TMEM135: variants seen among roughly 807,000 people sequenced by gnomAD.
The protein encoded by TMEM135 is peroxisomal membrane protein 52.
Under a neutral mutation model 60.3 loss-of-function variants are expected in TMEM135, and 30 were observed. The observed-to-expected ratio is 0.50, with a 90% CI of 0.37 to 0.68. The LOEUF (loss-of-function observed/expected upper bound fraction) is 0.68, where lower values mean the gene tolerates loss of function less well. Ranked by LOEUF, TMEM135 falls within the 30% of genes least tolerant of loss-of-function variation. The pLI is 0.00. For missense variants in TMEM135, 468 were observed against 548.8 expected (o/e 0.85, Z 1.47); for synonymous variants, 190 against 186.7 (o/e 1.02, Z -0.14).
At chr11:87,276,347 G>A (rs1941965579) in intron 6 of TMEM135, among the ~76,000 whole-genome samples, 1 of 152,120 alleles carries the variant, frequency 6.6e-6, no homozygotes, top group Non-Finnish European at 1.5e-5. Context: ...GTTCTGTGAT[G>A]TCAAGTACTT....
chr11:87,098,558 A>G (rs2513209), intron 4 of TMEM135, among the ~76,000 whole-genome samples: 82,996 of 151,692 alleles, frequency 0.55, 23,498 homozygotes, highest in East Asian at 0.71. Context: ...AATAACTTGA[A>G]GAAATCATCT....
chr11:87,155,068 G>A (rs571909807), intron 4 of TMEM135, among the ~76,000 whole-genome samples: 3 of 152,248 alleles, frequency 2.0e-5, no homozygotes, highest in Admixed American at 6.5e-5. Flanking sequence ...GTGCGATCTT[G>A]GCTCACTGCA....
chr11:87,306,033 T>A, intron 9 of TMEM135, 28 bp downstream of exon 9: 1 of 1,380,506 alleles, frequency 7.2e-7, no homozygotes, highest in Non-Finnish European at 1.0e-6. Flanking sequence ...TGTACTTTAT[T>A]AACAGTAGGG....
At chr11:87,241,962 G>A (rs936356134) in intron 6 of TMEM135, among the ~76,000 whole-genome samples, 4 of 151,900 alleles carry the variant, frequency 2.6e-5, no homozygotes, top group African/African-American at 7.2e-5. Flanking sequence ...CCATTAACTT[G>A]TCGTATAGCA....
chr11:87,206,325 A>G (rs1193165050), intron 5 of TMEM135, among the ~76,000 whole-genome samples: 2 of 152,164 alleles, frequency 1.3e-5, no homozygotes, highest in Admixed American at 6.5e-5. Context: ...GTATTGTTAT[A>G]TTTCATATAT....
intron 5 of TMEM135, among the ~76,000 whole-genome samples, chr11:87,234,172 C>T (rs987669469): frequency 6.6e-6 from 1 of 151,968 alleles, no homozygotes; most frequent in African/African-American, 2.4e-5. Context: ...TAACAAGTCT[C>T]TTCTTCTTTG....
intron 6 of TMEM135, among the ~76,000 whole-genome samples, chr11:87,266,097 C>T (rs1941742034): frequency 2.6e-5 from 4 of 152,140 alleles, no homozygotes; most frequent in Admixed American, 2.6e-4. Flanking sequence ...TTGGACATTG[C>T]ACAGACCACC....
At position 87,321,458 on chromosome 11, in the gene TMEM135, T is replaced by C. The variant is rs150716719; in HGVS notation, c.*125T>C. 316 of 1,102,096 alleles carry C rather than the reference T, an allele frequency of 2.9e-4. 2 individuals carry two copies. In the African/African-American group the frequency reaches 3.9e-3, roughly 14 times the overall value. 68.3% of individuals were successfully genotyped at this position (1,102,096 alleles called of 1,614,324 possible). A position where few individuals can be genotyped will look rare whatever the true frequency, so the allele number is the denominator to read the frequency against. ...TTCAGTTAGAGATACTCTTTTCATT[T>C]GTTTTGTTTTTCTTATGAATCAGAA... On this transcript the variant is annotated 3_prime_UTR_variant, in exon 15 of 15. Coordinates refer to ENST00000305494, the MANE Select transcript of TMEM135 (RefSeq NM_022918.4).
rs1209301046 is a variant in TMEM135, at chr11:87,326,745, T to C, written c.*5412T>C. On this transcript the variant is annotated 3_prime_UTR_variant, in exon 15 of 15. Transcript: ENST00000305494. ...TATTTCAGGGAAAATTGAAGGTAAA[T>C]AATATCTGCAAAGCTTCAGGAAGAA... is the stretch of plus-strand genomic sequence containing the variant. The C allele has an allele frequency of 1.1e-5, 5 of 446,838 alleles. No individual in the cohort carries two copies. Among genetic ancestry groups the C allele is most frequent in the Non-Finnish European group, 2.2e-5 (5 of 225,094 alleles). 27.7% of individuals were successfully genotyped at this position (446,838 alleles called of 1,614,324 possible). A position where few individuals can be genotyped will look rare whatever the true frequency, so the allele number is the denominator to read the frequency against.
chr11:87,067,094 T>C (rs977008090), intron 1 of TMEM135, among the ~76,000 whole-genome samples: 14 of 149,588 alleles, frequency 9.4e-5, no homozygotes, highest in Admixed American at 6.0e-4. Context: ...TTCTTAATAT[T>C]ATTTTTTCAG....
intron 6 of TMEM135, among the ~76,000 whole-genome samples, chr11:87,238,159 G>C (rs894689866): frequency 6.6e-6 from 1 of 151,666 alleles, no homozygotes; most frequent in Non-Finnish European, 1.5e-5. Context: ...ATATTGATTT[G>C]CTTTATTTTG....
At chr11:87,149,887 T>C (rs1938511540) in intron 4 of TMEM135, among the ~76,000 whole-genome samples, 1 of 152,234 alleles carries the variant, frequency 6.6e-6, no homozygotes, top group Admixed American at 6.5e-5. Context: ...ATAATAGTTT[T>C]TTCAAAATGT....
chr11:87,308,637 C>A (rs1346758959), intron 9 of TMEM135, among the ~76,000 whole-genome samples: 2 of 152,116 alleles, frequency 1.3e-5, no homozygotes, highest in African/African-American at 4.8e-5. Context: ...CCGGTTTTAA[C>A]AATGTATTGG....
chr11:87,240,349 C>T (rs796693722), intron 6 of TMEM135, among the ~76,000 whole-genome samples: 71 of 151,952 alleles, frequency 4.7e-4, no homozygotes, highest in African/African-American at 1.6e-3. Flanking sequence ...TACCTTAGGG[C>T]ATTGTTTGTT....
intron 5 of TMEM135, among the ~76,000 whole-genome samples, chr11:87,170,131 C>T (rs185928509): frequency 9.2e-5 from 14 of 152,112 alleles, no homozygotes; most frequent in African/African-American, 3.4e-4. Context: ...TTTTTCAGCT[C>T]CATCAGGTCA....
At chr11:87,288,327 G>T (rs893739843) in intron 6 of TMEM135, among the ~76,000 whole-genome samples, 1 of 151,976 alleles carries the variant, frequency 6.6e-6, no homozygotes, top group Non-Finnish European at 1.5e-5. Flanking sequence ...CCCAGTAGTT[G>T]GTCTTGAAAG....
At chr11:87,284,023 T>C (rs915859098) in intron 6 of TMEM135, among the ~76,000 whole-genome samples, 10 of 152,248 alleles carry the variant, frequency 6.6e-5, no homozygotes, top group Non-Finnish European at 1.0e-4. Context: ...GTGATTATAA[T>C]TTTGTTTAAT....
chr11:87,163,472 A>G (rs969694537), intron 5 of TMEM135, among the ~76,000 whole-genome samples: 12 of 150,578 alleles, frequency 8.0e-5, no homozygotes, highest in Middle Eastern at 3.4e-3. Context: ...AGTCTTTGCT[A>G]TTGTGAATAA....
At chr11:87,289,498 GAGTGCAGT>G (rs1184403210) in intron 6 of TMEM135, among the ~76,000 whole-genome samples, 7 of 133,754 alleles carry the variant, frequency 5.2e-5, no homozygotes, top group Non-Finnish European at 9.1e-5. Flanking sequence ...ACCCAGGCTG[GAGTGCAGT>G]GGTGCAGTGG....
Sources: gnomAD v4.1 joint callset for allele counts (sites outside exome capture counted in the v4.1 genomes callset) on GRCh38, gnomAD v4.1.1 for gene constraint, MANE v1.5 for transcripts, NCBI Gene and HGNC (gene_info 2026-07-23, HGNC 2026-07-21) for gene names.